PTER: variants seen among roughly 807,000 people sequenced by gnomAD.
The protein encoded by PTER is phosphotriesterase related, also known as N-acetyltaurine hydrolase.
In PTER, 38 loss-of-function variants were observed where a neutral mutation model predicts 29.6. That is an observed-to-expected ratio of 1.28 (90% CI 0.99 to 1.68). The LOEUF (loss-of-function observed/expected upper bound fraction) is 1.68, where lower values mean the gene tolerates loss of function less well. PTER is among the 40% of genes most tolerant of loss of function. The pLI is 0.00. For synonymous variants in PTER, 172 were observed against 154.5 expected (o/e 1.11, Z -0.84); for missense variants, 482 against 427.8 (o/e 1.13, Z -1.12).
chr10:16,484,291 G>A, intron 1 of PTER, 46 bp from the exon 2 acceptor site: 1 of 1,270,296 alleles, frequency 7.9e-7, no homozygotes, highest in East Asian at 2.3e-5. Context: ...TTATGTGTGT[G>A]TTAAATATTC....
intron 1 of PTER, among the ~76,000 whole-genome samples, chr10:16,463,730 T>C (rs1042402618): frequency 1.3e-5 from 2 of 152,170 alleles, no homozygotes; most frequent in Non-Finnish European, 2.9e-5. Flanking sequence ...CATATTTTCT[T>C]TGGCCCACAT....
At chr10:16,482,867 C>T (rs973581150) in intron 1 of PTER, among the ~76,000 whole-genome samples, 6 of 152,080 alleles carry the variant, frequency 3.9e-5, no homozygotes, top group South Asian at 2.1e-4. Context: ...CTGCAACCTC[C>T]GCCTCCTGGG....
intron 1 of PTER, among the ~76,000 whole-genome samples, chr10:16,463,222 A>AG (rs1348756610): frequency 6.6e-6 from 1 of 150,398 alleles, no homozygotes; most frequent in Non-Finnish European, 1.5e-5. Flanking sequence ...AAAAAAAAAA[A>AG]TACTGTTTCT....
At chr10:16,447,262 T>A (rs1387815500) in intron 1 of PTER, among the ~76,000 whole-genome samples, 1 of 147,592 alleles carries the variant, frequency 6.8e-6, no homozygotes, top group East Asian at 2.0e-4. Flanking sequence ...CACACCTAAT[T>A]TTTTTTTTTT....
chr10:16,505,024 A>G lies in PTER; in HGVS notation c.703A>G (p.Ile235Val), dbSNP rs149026663. 7.4e-6 allele frequency: 12 copies of G among 1,613,820 alleles called. No homozygotes were observed. Among genetic ancestry groups the G allele is most frequent in the Admixed American group, 3.3e-5 (2 of 59,992 alleles). ...KTVMSHLDRT[I>V]LDKKELLEFA... ...CATCTGTCGCATTGTTTCTAGGACT[A>G]TTCTTGATAAGAAAGAGCTCTTGGA... The change falls in exon 4 of 5, where the codon ATT becomes GTT. Residue 235 changes from isoleucine to valine, a missense_variant. Ile to Val is a conservative substitution (Grantham distance 29). Transcript: ENST00000535784.
chr10:16,513,008 G>T lies in PTER; in HGVS notation c.*1752G>T, dbSNP rs916081217. On this transcript the variant is annotated 3_prime_UTR_variant, in exon 5 of 5. Transcript: ENST00000535784. Reference sequence around the variant, plus strand: ...CAGCTTCACTCCACCTGAGAAAAAAGAAAAAAAAATTGATAGCTCAAATGC... The same window carrying T: ...CAGCTTCACTCCACCTGAGAAAAAATAAAAAAAAATTGATAGCTCAAATGC... The T allele has an allele frequency of 4.6e-5, 7 of 151,308 alleles. No homozygotes were observed. The highest frequency in any genetic ancestry group is 1.2e-4 in the African/African-American group (5 of 41,104). The allele number at this position is 151,308 out of a possible 1,614,324, so 9.4% of individuals were successfully genotyped here. A position where few individuals can be genotyped will look rare whatever the true frequency, so the allele number is the denominator to read the frequency against.
Position 16,496,270 on chromosome 10 carries a change from T to C in PTER, c.699-8750T>C, listed in dbSNP as rs543849106. Among the ~76,000 whole-genome samples the C allele has an allele frequency of 7.0e-4, 106 of 152,336 alleles. No homozygotes were observed. In the Middle Eastern group the frequency reaches 0.017, roughly 24 times the overall value. ...CTTTCCAAAGGCAAATCTAATTATA[T>C]CCCTGATCCTGACTTAAAAGCCTCC... On this transcript the variant is annotated intron_variant, in intron 3 of 4. Coordinates refer to ENST00000535784, the MANE Select transcript of PTER (RefSeq NM_001261836.2).
intron 3 of PTER, chr10:16,486,895 A>G (rs1226906099): frequency 6.3e-6 from 2 of 314,968 alleles, no homozygotes; most frequent in Non-Finnish European, 1.2e-5. Flanking sequence ...TTTATAACTC[A>G]TAACAGGTGT....
At chr10:16,514,479 T>A (rs1372755383), downstream of PTER, 1 of 1,527,068 alleles carries the variant, frequency 6.5e-7, no homozygotes, top group African/African-American at 1.4e-5. Flanking sequence ...ACGTTAGCCA[T>A]ACGAATCCAG....
At chr10:16,500,490 G>T (rs1399349047) in intron 3 of PTER, among the ~76,000 whole-genome samples, 2 of 151,828 alleles carry the variant, frequency 1.3e-5, no homozygotes, top group Non-Finnish European at 2.9e-5. Flanking sequence ...GAGCTCAAGG[G>T]ATCCTTCCAC....
intron 1 of PTER, among the ~76,000 whole-genome samples, chr10:16,479,408 C>T (rs1224328935): frequency 6.6e-6 from 1 of 151,934 alleles, no homozygotes; most frequent in Admixed American, 6.6e-5. Flanking sequence ...TGGTCAGTGT[C>T]CAGGCCCAGG....
chr10:16,473,913 A>C (rs749868476), intron 1 of PTER, among the ~76,000 whole-genome samples: 16 of 152,230 alleles, frequency 1.1e-4, no homozygotes, highest in Non-Finnish European at 2.2e-4. Flanking sequence ...ACCTAAAAGC[A>C]CTACTTAAAT....
At chr10:16,437,928 A>G (rs150477944) in intron 1 of PTER, among the ~76,000 whole-genome samples, 1 of 152,202 alleles carries the variant, frequency 6.6e-6, no homozygotes, top group Non-Finnish European at 1.5e-5. Context: ...GGGGTTGCTG[A>G]TTTAAAGAAC....
chr10:16,476,543 G>A (rs1296209840), intron 1 of PTER, among the ~76,000 whole-genome samples: 2 of 152,148 alleles, frequency 1.3e-5, no homozygotes, highest in Non-Finnish European at 2.9e-5. Flanking sequence ...AAACACTGGA[G>A]CCAAGACTCC....
chr10:16,509,459 T>C (rs1330925489), intron 4 of PTER, among the ~76,000 whole-genome samples: 2 of 152,224 alleles, frequency 1.3e-5, no homozygotes, highest in African/African-American at 4.8e-5. Context: ...CCACATGATC[T>C]GCCTTTATAG....
chr10:16,457,410 TCACCGTGTTAGC>T (rs2133384839), intron 1 of PTER, among the ~76,000 whole-genome samples: 1 of 152,242 alleles, frequency 6.6e-6, no homozygotes, highest in Non-Finnish European at 1.5e-5. Flanking sequence ...AGACGGGGTT[TCACCGTGTTAGC>T]CACGATGGTC....
chr10:16,510,453 A>G (rs1437247345), intron 4 of PTER, among the ~76,000 whole-genome samples: 2 of 152,228 alleles, frequency 1.3e-5, no homozygotes, highest in African/African-American at 4.8e-5. Context: ...ATAGACTTCA[A>G]AGGGGCAAAT....
At position 16,486,617 on chromosome 10, in the gene PTER, G is replaced by C; in HGVS notation, c.698G>C (p.Arg233Thr). 6.2e-7 allele frequency: 1 copy of C among 1,605,346 alleles called. No homozygotes were observed. The highest frequency in any genetic ancestry group is 1.3e-5 in the African/African-American group (1 of 74,714). The change falls in exon 3 of 5, where the codon AGG (arginine) becomes ACG (threonine). Residue 233 changes from arginine (R) to threonine (T), a missense_variant and splice_region_variant. Physicochemically the swap from Arg to Thr is moderately conservative, Grantham distance 71. Coordinates refer to ENST00000535784, the MANE Select transcript of PTER (RefSeq NM_001261836.2). ...AAAACAGTCATGTCACACCTGGATA[G>C]GTAAGTAGGCTGTCTTACAAATGGA... ...ISKTVMSHLDRTILDKKELLE... is the reference protein window; with the variant it reads ...ISKTVMSHLDTTILDKKELLE...
intron 1 of PTER, among the ~76,000 whole-genome samples, chr10:16,443,749 C>G (rs948529524): frequency 6.6e-6 from 1 of 152,178 alleles, no homozygotes; most frequent in Admixed American, 6.5e-5. Flanking sequence ...TGTAACAACT[C>G]GCACATATTT....
Sources: allele counts gnomAD v4.1 joint callset (sites outside exome capture counted in the v4.1 genomes callset), GRCh38; gene constraint gnomAD v4.1.1; transcripts MANE v1.5; gene names NCBI Gene and HGNC (gene_info 2026-07-23, HGNC 2026-07-21).